The following PRICKLE4 variants were observed in gnomAD, a reference collection of about 807,000 sequenced individuals.
PRICKLE4 encodes prickle-like protein 4.
In PRICKLE4, 40 loss-of-function variants were observed where a neutral mutation model predicts 43.5. The observed-to-expected ratio is 0.92, with a 90% CI of 0.71 to 1.20. The LOEUF is 1.20. PRICKLE4 is among the 50% of genes most tolerant of loss of function. The pLI is 0.00. For synonymous variants in PRICKLE4, 208 were observed against 197.4 expected (o/e 1.05, Z -0.45); for missense variants, 527 against 491.2 (o/e 1.07, Z -0.69).
intron 7 of PRICKLE4, 196 bp downstream of exon 7, chr6:41,786,528 C>G (rs941820554): frequency 9.6e-5 from 96 of 1,002,384 alleles, no homozygotes; most frequent in Non-Finnish European, 1.4e-4. Flanking sequence ...AAGGGCCGCC[C>G]GAACCCACCC....
intron 6 of PRICKLE4, 147 bp downstream of exon 6, chr6:41,785,687 TTC>T (rs1772631493): frequency 3.5e-6 from 3 of 863,224 alleles, no homozygotes; most frequent in Admixed American, 2.7e-5. Context: ...GTTCCCTGTG[TTC>T]TGACTTGAGC....
Position 41,782,175 on chromosome 6 carries a change from G to A in PRICKLE4, c.-13+655G>A, listed in dbSNP as rs558821788. 4.9e-4 allele frequency among the ~76,000 whole-genome samples: 73 copies of A among 149,752 alleles called. 1 individual carries two copies. The highest frequency in any genetic ancestry group is 1.7e-3 in the African/African-American group (68 of 40,726). On this transcript the variant is annotated intron_variant, in intron 2 of 7. Transcript: ENST00000458694. ...CTCTGCCTTCCAGGTAGGTTGGAGC[G>A]ATTCTCCTGCCTCAGCCTCTGGAGT...
chr6:41,786,162 G>T lies in PRICKLE4; in HGVS notation c.617G>T (p.Gly206Val). ...IFSWRCTEAE[G>V]QRWHENHFCC... Reference sequence around the variant, plus strand: ...TCCTGGCGCTGCACCGAGGCGGAGGGACAGCGCTGGCATGAGAACCACTTC... The same window carrying T: ...TCCTGGCGCTGCACCGAGGCGGAGGTACAGCGCTGGCATGAGAACCACTTC... Residue 206 changes from glycine (G) to valine (V), a missense_variant, in exon 7 of 8, where the codon GGA becomes GTA. Coordinates refer to ENST00000458694, the MANE Select transcript of PRICKLE4 (RefSeq NM_013397.6). 1 of 1,613,810 alleles carries T rather than the reference G, an allele frequency of 6.2e-7. No individual in the cohort carries two copies. Among genetic ancestry groups the T allele is most frequent in the African/African-American group, 1.3e-5 (1 of 75,062 alleles).
intron 2 of PRICKLE4, among the ~76,000 whole-genome samples, chr6:41,782,161 A>G (rs571582559): frequency 7.3e-6 from 1 of 137,126 alleles, no homozygotes; most frequent in Admixed American, 8.2e-5. Context: ...TCTGCCTTCC[A>G]GGTAGGTTGG....
intron 7 of PRICKLE4, 162 bp downstream of exon 7, chr6:41,786,494 G>A: frequency 9.5e-7 from 1 of 1,052,214 alleles, no homozygotes; most frequent in Non-Finnish European, 1.4e-6. Context: ...AGCTCTCACC[G>A]CGCATCCCTG....
rs140326303 is a variant in PRICKLE4 at position 41,786,835 on chromosome 6, C to CCTT, written c.863_864insTCT (p.Leu288dup). On this transcript the variant is annotated inframe_insertion, in exon 8 of 8. Transcript: ENST00000458694. Reference sequence around the variant, plus strand: ...ACTCTGCAACCCTCTCCCGAACACTCCTCGCTGCTGCCGGCGGTTCCAGCC... The same window carrying CCTT: ...ACTCTGCAACCCTCTCCCGAACACTCCTTCTCGCTGCTGCCGGCGGTTCCAGCC... 846,815 of 1,602,414 alleles carry CCTT rather than the reference C, an allele frequency of 0.53. 227,510 individuals carry two copies. Among genetic ancestry groups the CCTT allele is most frequent in the Admixed American group, 0.72 (42,412 of 59,200 alleles).
At chr6:41,783,334 G>T (rs1302504162) in intron 2 of PRICKLE4, 128 bp from the exon 3 acceptor site, 11 of 986,898 alleles carry the variant, frequency 1.1e-5, no homozygotes, top group Non-Finnish European at 1.4e-5. Context: ...TGTAAGATGG[G>T]GATAATGCTA....
Position 41,786,965 on chromosome 6 carries a change from A to C in PRICKLE4, c.991A>C (p.Ile331Leu). The change falls in exon 8 of 8, where the codon ATT becomes CTT. Residue 331 changes from isoleucine (I) to leucine (L), a missense_variant. Physicochemically the swap from Ile to Leu is conservative, Grantham distance 5 (BLOSUM62 2). Coordinates refer to ENST00000458694, the MANE Select transcript of PRICKLE4 (RefSeq NM_013397.6). Reference sequence around the variant, plus strand: ...GCAGGAGCAATGCCGCCTGGAGACTATTCGTGATCCCAAGGACACCCCTTT... The same window carrying C: ...GCAGGAGCAATGCCGCCTGGAGACTCTTCGTGATCCCAAGGACACCCCTTT... ...KGQEQCRLET[I>L]RDPKDTPFST... is the part of the protein sequence containing the mutation. 6.2e-7 allele frequency: 1 copy of C among 1,614,016 alleles called. No homozygotes were observed. The highest frequency in any genetic ancestry group is 8.5e-7 in the Non-Finnish European group (1 of 1,179,956).
Position 41,785,425 on chromosome 6 carries a change from G to A in PRICKLE4, c.467G>A (p.Cys156Tyr), listed in dbSNP as rs1348059112. 6.2e-7 allele frequency: 1 copy of A among 1,614,036 alleles called. No individual in the cohort carries two copies. Residue 156 changes from cysteine (C) to tyrosine (Y), a missense_variant, in exon 6 of 8, where the codon TGC becomes TAC. Coordinates refer to ENST00000458694, the MANE Select transcript of PRICKLE4 (RefSeq NM_013397.6). Reference protein sequence around the residue: ...QRCWHQPCFACQACGQALINL... With the variant: ...QRCWHQPCFAYQACGQALINL... The stretch of plus-strand genomic sequence containing the variant: ...TGCTGGCACCAGCCTTGCTTTGCCT[G>A]CCAGGCCTGTGGCCAGGCCCTGATA...
At chr6:41,781,111 C>T (rs1030057254) in intron 1 of PRICKLE4, 1 of 153,542 alleles carries the variant, frequency 6.5e-6, no homozygotes, top group African/African-American at 2.4e-5. Flanking sequence ...TGTCCAGCTC[C>T]TGAGCCCTCT....
chr6:41,786,962 A>T lies in PRICKLE4; in HGVS notation c.988A>T (p.Thr330Ser). ...PKGQEQCRLETIRDPKDTPFS... is the reference protein window; with the variant it reads ...PKGQEQCRLESIRDPKDTPFS... ...AGGGCAGGAGCAATGCCGCCTGGAG[A>T]CTATTCGTGATCCCAAGGACACCCC... Residue 330 changes from threonine (T) to serine (S), a missense_variant, in exon 8 of 8, where the codon ACT (threonine) becomes TCT (serine). Physicochemically the swap from Thr to Ser is moderately conservative, Grantham distance 58. Coordinates refer to ENST00000458694, the MANE Select transcript of PRICKLE4 (RefSeq NM_013397.6). 5.0e-6 allele frequency: 8 copies of T among 1,613,920 alleles called. No individual in the cohort carries two copies. Among genetic ancestry groups the T allele is most frequent in the Non-Finnish European group, 6.8e-6 (8 of 1,179,920 alleles).
In PRICKLE4 at chr6:41,784,952, C is replaced by T; in HGVS notation, c.258C>T (p.Ala86=). 1 of 1,614,040 alleles carries T rather than the reference C, an allele frequency of 6.2e-7. No homozygotes were observed. The highest frequency in any genetic ancestry group is 2.2e-5 in the East Asian group (1 of 44,880). ...TTCTGCAGGAGCGCTACTGCCTGGC[C>T]CTTGGGGAGGAGGAGCGGGCCGAGC... is the stretch of plus-strand genomic sequence containing the variant. ...PQDIDERYCL[A]LGEEERAELQ... is the part of the protein sequence containing the mutation. The change falls in exon 5 of 8, where the codon GCC becomes GCT. Residue 86 remains alanine, a synonymous_variant. Transcript: ENST00000458694.
chr6:41,784,510 T>G (rs1202295045), intron 4 of PRICKLE4, among the ~76,000 whole-genome samples: 1 of 152,260 alleles, frequency 6.6e-6, no homozygotes, highest in Admixed American at 6.5e-5. Context: ...TAATGGAATG[T>G]ACAAATGTAG....
chr6:41,785,315 C>T (rs1772622813), intron 5 of PRICKLE4, 22 bp from the exon 6 acceptor site: 1 of 1,611,148 alleles, frequency 6.2e-7, no homozygotes, highest in Admixed American at 1.7e-5. Context: ...CTCCGACCAC[C>T]TCAGCACCTC....
In PRICKLE4 at chr6:41,787,188, C is replaced by G; in HGVS notation, c.*59C>G. ...GAAAGGGGTCTGTAAAGCGGGAGAACAAGGCTAGCCTCCCCCTAACAATCC... is the reference window on the plus strand; with the variant it reads ...GAAAGGGGTCTGTAAAGCGGGAGAAGAAGGCTAGCCTCCCCCTAACAATCC... On this transcript the variant is annotated 3_prime_UTR_variant, in exon 8 of 8. Coordinates refer to ENST00000458694, the MANE Select transcript of PRICKLE4 (RefSeq NM_013397.6). 1.3e-6 allele frequency: 2 copies of G among 1,516,708 alleles called. No individual in the cohort carries two copies. The highest frequency in any genetic ancestry group is 2.3e-5 in the East Asian group (1 of 44,074). The allele number at this position is 1,516,708 out of a possible 1,614,324, so 94.0% of individuals were successfully genotyped here. A position where few individuals can be genotyped will look rare whatever the true frequency, so the allele number is the denominator to read the frequency against.
In PRICKLE4 at chr6:41,787,093, C is replaced by A. The variant is rs146046641; in HGVS notation, c.1119C>A (p.Asp373Glu). Residue 373 changes from aspartate (D) to glutamate (E), a missense_variant, in exon 8 of 8, where the codon GAC becomes GAA. Transcript: ENST00000458694. ...WKTPGSLQAEDSNASKTHCTM... is the reference protein window; with the variant it reads ...WKTPGSLQAEESNASKTHCTM... Reference sequence around the variant, plus strand: ...CCCCCGGAAGCCTCCAAGCAGAGGACAGCAACGCCTCTAAGACGCACTGCA... The same window carrying A: ...CCCCCGGAAGCCTCCAAGCAGAGGAAAGCAACGCCTCTAAGACGCACTGCA... The A allele has an allele frequency of 1.2e-6, 2 of 1,611,034 alleles. No individual in the cohort carries two copies. Among genetic ancestry groups the A allele is most frequent in the African/African-American group, 1.3e-5 (1 of 74,902 alleles).
intron 2 of PRICKLE4, among the ~76,000 whole-genome samples, chr6:41,782,229 G>A (rs575890964): frequency 1.3e-4 from 20 of 151,698 alleles, no homozygotes; most frequent in Non-Finnish European, 2.4e-4. Flanking sequence ...ACATTACCAC[G>A]CCCAGCTTAT....
Position 41,785,383 on chromosome 6 carries a change from G to C in PRICKLE4, c.425G>C (p.Arg142Pro), listed in dbSNP as rs762141132. 5.6e-6 allele frequency: 9 copies of C among 1,613,954 alleles called. No individual in the cohort carries two copies. The highest frequency in any genetic ancestry group is 1.7e-5 in the Admixed American group (1 of 60,002). ...GGGGAGTACGGAGTGTTTGCAGCCC[G>C]GGCAGGGGAACAGCGCTGCTGGCAC... ...KPGEYGVFAARAGEQRCWHQP... is the reference protein window; with the variant it reads ...KPGEYGVFAAPAGEQRCWHQP... Residue 142 changes from arginine (R) to proline (P), a missense_variant, in exon 6 of 8, where the codon CGG (arginine) becomes CCG (proline). Transcript: ENST00000458694.
chr6:41,785,796 AG>A (rs1772633858), intron 6 of PRICKLE4, among the ~76,000 whole-genome samples: 1 of 152,270 alleles, frequency 6.6e-6, no homozygotes, highest in East Asian at 1.9e-4. Flanking sequence ...TAGAGCAGGG[AG>A]TCTTGGACAC....
Sources: allele counts gnomAD v4.1 joint callset (sites outside exome capture counted in the v4.1 genomes callset), GRCh38; gene constraint gnomAD v4.1.1; transcripts MANE v1.5; gene names NCBI Gene and HGNC (gene_info 2026-07-23, HGNC 2026-07-21).